The following CNTNAP5 variants were observed in gnomAD, a reference collection of about 807,000 sequenced individuals.
CNTNAP5 encodes contactin-associated protein-like 5.
In CNTNAP5, 72 loss-of-function variants were observed where a neutral mutation model predicts 150.2. The observed-to-expected ratio is 0.48, with a 90% CI of 0.40 to 0.58. The LOEUF (loss-of-function observed/expected upper bound fraction) is 0.58, where lower values mean the gene tolerates loss of function less well. Among genes scored for constraint, CNTNAP5 ranks in the 20% least tolerant of loss-of-function variants. The pLI is 0.00. For missense variants in CNTNAP5, 1,636 were observed against 1,626.2 expected (o/e 1.01, Z -0.10); for synonymous variants, 672 against 619.8 (o/e 1.08, Z -1.25).
intron 1 of CNTNAP5, among the ~76,000 whole-genome samples, chr2:124,050,765 G>A (rs770904931): frequency 7.2e-5 from 11 of 152,182 alleles, no homozygotes; most frequent in Non-Finnish European, 1.5e-4. Context: ...ACTTCTGACT[G>A]TATTTCAATT....
chr2:124,676,292 A>G (rs987748458), intron 13 of CNTNAP5, among the ~76,000 whole-genome samples: 1 of 152,190 alleles, frequency 6.6e-6, no homozygotes, highest in Non-Finnish European at 1.5e-5. Context: ...GATGTAAGAA[A>G]CTAAGGTTTT....
chr2:124,284,875 G>C (rs1465676040), intron 3 of CNTNAP5, among the ~76,000 whole-genome samples: 3 of 152,254 alleles, frequency 2.0e-5, no homozygotes, highest in South Asian at 4.1e-4. Flanking sequence ...TGGGGAATGA[G>C]AGAAATGACA....
At chr2:124,435,317 C>T (rs546879087) in intron 5 of CNTNAP5, among the ~76,000 whole-genome samples, 2 of 152,194 alleles carry the variant, frequency 1.3e-5, no homozygotes, top group East Asian at 3.9e-4. Context: ...GGGCCTGTTG[C>T]ACTCCAGGCA....
chr2:124,832,912 TCTTTTC>T (rs1553447185), intron 19 of CNTNAP5, among the ~76,000 whole-genome samples: 1 of 146,206 alleles, frequency 6.8e-6, no homozygotes. Context: ...TCTTTTTTTT[TCTTTTC>T]CTTTTTTTTT....
chr2:124,702,371 TTTTTTTTTTTTTTTTTTTTTTTTTTG>T (rs1317550474), intron 13 of CNTNAP5, among the ~76,000 whole-genome samples: 16 of 69,194 alleles, frequency 2.3e-4, no homozygotes, highest in African/African-American at 7.5e-4. Flanking sequence ...TTTTTTTTTT[TTTTTTTTTTTTTTTTTTTTTTTTTTG>T]CTAGTGAAGA....
intron 13 of CNTNAP5, among the ~76,000 whole-genome samples, chr2:124,718,179 G>A (rs879911132): frequency 1.2e-4 from 18 of 152,072 alleles, no homozygotes; most frequent in South Asian, 2.1e-4. Flanking sequence ...TGAGATGTGG[G>A]ACATAAAAGC....
At chr2:124,708,371 G>A (rs1307028823) in intron 13 of CNTNAP5, among the ~76,000 whole-genome samples, 1 of 152,114 alleles carries the variant, frequency 6.6e-6, no homozygotes, top group Non-Finnish European at 1.5e-5. Context: ...AGTCAATGAA[G>A]GAGCTCAATC....
At chr2:124,495,039 G>T (rs1243405773) in intron 7 of CNTNAP5, among the ~76,000 whole-genome samples, 1 of 151,948 alleles carries the variant, frequency 6.6e-6, no homozygotes, top group African/African-American at 2.4e-5. Context: ...ATGGTCCTAT[G>T]CCTACATATT....
intron 6 of CNTNAP5, among the ~76,000 whole-genome samples, chr2:124,453,224 A>C (rs1041611062): frequency 6.6e-6 from 1 of 152,190 alleles, no homozygotes; most frequent in African/African-American, 2.4e-5. Flanking sequence ...GCACTTAAAG[A>C]AATGCAAAAT....
chr2:124,643,669 A>C (rs1254088501), intron 12 of CNTNAP5, among the ~76,000 whole-genome samples: 1 of 152,214 alleles, frequency 6.6e-6, no homozygotes, highest in Non-Finnish European at 1.5e-5. Context: ...TAATGCTTAG[A>C]GTCTTTACTC....
chr2:124,098,142 T>A (rs562366990), intron 1 of CNTNAP5, among the ~76,000 whole-genome samples: 1 of 152,242 alleles, frequency 6.6e-6, no homozygotes, highest in South Asian at 2.1e-4. Context: ...ACGTAAACAG[T>A]TGATTAACAC....
intron 6 of CNTNAP5, among the ~76,000 whole-genome samples, chr2:124,473,717 G>A (rs1299462136): frequency 6.6e-6 from 1 of 151,998 alleles, no homozygotes; most frequent in African/African-American, 2.4e-5. Flanking sequence ...TTTCAAAGCA[G>A]TGGAAAAAAC....
At chr2:124,085,412 G>T (rs1035974967) in intron 1 of CNTNAP5, among the ~76,000 whole-genome samples, 4 of 150,458 alleles carry the variant, frequency 2.7e-5, no homozygotes, top group Admixed American at 6.6e-5. Context: ...TCCTGATATT[G>T]GTTTTTCTCT....
intron 3 of CNTNAP5, among the ~76,000 whole-genome samples, chr2:124,283,849 G>A (rs544129628): frequency 6.6e-6 from 1 of 152,198 alleles, no homozygotes; most frequent in African/African-American, 2.4e-5. Flanking sequence ...TTTTTTATAA[G>A]GGCACTAATC....
At chr2:124,599,287 AT>A (rs201513262) in intron 11 of CNTNAP5, among the ~76,000 whole-genome samples, 4 of 151,980 alleles carry the variant, frequency 2.6e-5, no homozygotes, top group East Asian at 1.9e-4. Flanking sequence ...ACCACATGTA[AT>A]TTTTTTTGTT....
At chr2:124,533,559 C>G (rs116783065) in intron 10 of CNTNAP5, among the ~76,000 whole-genome samples, 2,441 of 152,230 alleles carry the variant, frequency 0.016, 65 homozygotes, top group African/African-American at 0.055. Context: ...CCACCTAGGG[C>G]CTCAAGCAGC....
chr2:124,848,603 A>G (rs1683096306), intron 19 of CNTNAP5, among the ~76,000 whole-genome samples: 1 of 152,112 alleles, frequency 6.6e-6, no homozygotes, highest in African/African-American at 2.4e-5. Flanking sequence ...CCATACCAGT[A>G]TATGTTCCCA....
At chr2:124,767,076 G>C (rs1055372076) in intron 16 of CNTNAP5, among the ~76,000 whole-genome samples, 2 of 152,128 alleles carry the variant, frequency 1.3e-5, no homozygotes, top group African/African-American at 4.8e-5. Context: ...CGCATTTTAG[G>C]CAGATGGAAT....
At chr2:124,071,486 A>C (rs576778729) in intron 1 of CNTNAP5, among the ~76,000 whole-genome samples, 1 of 152,080 alleles carries the variant, frequency 6.6e-6, no homozygotes, top group East Asian at 1.9e-4. Flanking sequence ...GAGAAGACCC[A>C]GATAAATAAA....
Sources: allele counts gnomAD v4.1 joint callset (sites outside exome capture counted in the v4.1 genomes callset), GRCh38; gene constraint gnomAD v4.1.1; transcripts MANE v1.5; gene names NCBI Gene and HGNC (gene_info 2026-07-23, HGNC 2026-07-21).